SIPA1L1: variants seen among roughly 807,000 people sequenced by gnomAD.
The protein encoded by SIPA1L1 is signal induced proliferation associated 1 like 1.
A neutral mutation model predicts 162.7 loss-of-function variants in SIPA1L1; 26 were observed. That is an observed-to-expected ratio of 0.16 (90% CI 0.12 to 0.22). The LOEUF (loss-of-function observed/expected upper bound fraction) is 0.22, where lower values mean the gene tolerates loss of function less well. Among genes scored for constraint, SIPA1L1 ranks in the 10% least tolerant of loss-of-function variants. The pLI is 1.00. For synonymous variants in SIPA1L1, 829 were observed against 837.4 expected, an observed-to-expected ratio of 0.99 and a Z score of 0.17; for missense variants, 1,874 against 2,241.0, an observed-to-expected ratio of 0.84 and a Z score of 3.31.
intron 2 of SIPA1L1, among the ~76,000 whole-genome samples, chr14:71,370,787 G>A (rs1435411179): frequency 2.6e-5 from 4 of 152,046 alleles, no homozygotes; most frequent in Admixed American, 6.6e-5. Flanking sequence ...CTCAACAGTC[G>A]CCCAGGATTT....
At chr14:71,491,573 C>T (rs1419540231) in intron 2 of SIPA1L1, among the ~76,000 whole-genome samples, 1 of 151,818 alleles carries the variant, frequency 6.6e-6, no homozygotes, top group South Asian at 2.1e-4. Flanking sequence ...CTCATTCTGT[C>T]GTCCAGACTG....
chr14:71,328,036 A>G (rs1390632787), intron 2 of SIPA1L1, among the ~76,000 whole-genome samples: 1 of 152,216 alleles, frequency 6.6e-6, no homozygotes, highest in Non-Finnish European at 1.5e-5. Flanking sequence ...TGATTCTTCA[A>G]AGAGTCTCAG....
intron 3 of SIPA1L1, among the ~76,000 whole-genome samples, chr14:71,525,211 GTC>G (rs1478030570): frequency 1.3e-5 from 2 of 150,160 alleles, no homozygotes; most frequent in Non-Finnish European, 3.0e-5. Context: ...TTGAGTCAGA[GTC>G]TCACTCTTGC....
At chr14:71,355,679 C>T (rs758665672) in intron 2 of SIPA1L1, among the ~76,000 whole-genome samples, 19 of 152,192 alleles carry the variant, frequency 1.2e-4, no homozygotes, top group Non-Finnish European at 2.4e-4. Context: ...CCATTTTCTT[C>T]TCCTTGCATG....
chr14:71,420,439 AT>A (rs1226700202), intron 2 of SIPA1L1, among the ~76,000 whole-genome samples: 1 of 152,222 alleles, frequency 6.6e-6, no homozygotes, highest in Admixed American at 6.5e-5. Context: ...AAGGAGTAAC[AT>A]TTGGTTTTTT....
intron 16 of SIPA1L1, among the ~76,000 whole-genome samples, chr14:71,708,027 T>TG (rs1566703644): frequency 2.9e-5 from 1 of 34,914 alleles, no homozygotes; most frequent in Non-Finnish European, 4.5e-5. Flanking sequence ...TTTTTTTTTT[T>TG]TGTTTTTTTT....
rs373272320 is a variant in SIPA1L1, at chr14:71,588,000, A to T, written c.128A>T (p.Asn43Ile). 3.0e-5 allele frequency: 48 copies of T among 1,613,966 alleles called. No individual in the cohort carries two copies. Among genetic ancestry groups the T allele is most frequent in the Non-Finnish European group, 3.8e-5 (45 of 1,179,984 alleles). ...DFYMRRFRSQ[N>I]GSLGSSVMAP... The stretch of plus-strand genomic sequence containing the variant: ...TACATGCGGCGCTTCCGGTCCCAAA[A>T]TGGCAGCTTAGGATCATCAGTTATG... Residue 43 changes from asparagine (N) to isoleucine (I), a missense_variant, in exon 5 of 24, where the codon AAT becomes ATT. Physicochemically the swap from Asn to Ile is moderately radical, Grantham distance 149. Transcript: ENST00000381232.
intron 4 of SIPA1L1, among the ~76,000 whole-genome samples, chr14:71,569,039 A>G (rs2031381785): frequency 1.3e-5 from 2 of 152,306 alleles, no homozygotes; most frequent in East Asian, 3.9e-4. Flanking sequence ...AATAGTTTTC[A>G]GTTTTATCGT....
At chr14:71,323,897 G>A (rs2033466741) in intron 2 of SIPA1L1, among the ~76,000 whole-genome samples, 1 of 152,144 alleles carries the variant, frequency 6.6e-6, no homozygotes, top group Admixed American at 6.5e-5. Flanking sequence ...ATGGTACCCT[G>A]ATGCCCTCGT....
chr14:71,492,752 C>T (rs778815073), intron 2 of SIPA1L1, among the ~76,000 whole-genome samples: 3 of 151,906 alleles, frequency 2.0e-5, no homozygotes, highest in African/African-American at 7.3e-5. Context: ...TCCCAAGTAG[C>T]TGGGACCATG....
At chr14:71,526,032 C>T (rs1369216079) in intron 3 of SIPA1L1, among the ~76,000 whole-genome samples, 1 of 152,182 alleles carries the variant, frequency 6.6e-6, no homozygotes, top group Admixed American at 6.6e-5. Context: ...GCAATGCAGA[C>T]ATCACACTGT....
At chr14:71,356,136 C>G (rs944472095) in intron 2 of SIPA1L1, among the ~76,000 whole-genome samples, 1 of 152,184 alleles carries the variant, frequency 6.6e-6, no homozygotes, top group Non-Finnish European at 1.5e-5. Flanking sequence ...CTACATAACA[C>G]CGTTCTGAAG....
intron 7 of SIPA1L1, among the ~76,000 whole-genome samples, chr14:71,634,402 CA>C (rs78425751): frequency 0.012 from 993 of 81,282 alleles, 1 homozygote; most frequent in African/African-American, 0.015. Flanking sequence ...AACTCCATTT[CA>C]AAAAAAAAAA....
Position 71,667,435 on chromosome 14 carries a change from A to G in SIPA1L1, c.2256-3684A>G, listed in dbSNP as rs866970893. On this transcript the variant is annotated intron_variant, in intron 10 of 23. Coordinates refer to ENST00000381232, the MANE Select transcript of SIPA1L1 (RefSeq NM_001386936.1). ...GTTTCTGGAGGGCTGAGCCCGGGAC[A>G]TCTTCAGCCTTGATCCTCAGCAAAG... 2.2e-4 allele frequency among the ~76,000 whole-genome samples: 34 copies of G among 152,332 alleles called. 1 individual carries two copies. Among genetic ancestry groups the G allele is most frequent in the African/African-American group, 7.9e-4 (33 of 41,584 alleles).
chr14:71,655,987 A>G (rs546266378), intron 8 of SIPA1L1, among the ~76,000 whole-genome samples: 2 of 152,234 alleles, frequency 1.3e-5, no homozygotes, highest in South Asian at 4.1e-4. Context: ...GGTAAAGTTT[A>G]ATACCTCTAT....
chr14:71,442,248 A>G (rs1408768585), intron 2 of SIPA1L1, among the ~76,000 whole-genome samples: 2 of 151,722 alleles, frequency 1.3e-5, no homozygotes, highest in South Asian at 2.1e-4. Context: ...AAAAATTCAG[A>G]ACATATAGTA....
At chr14:71,523,844 A>G (rs2052599594) in intron 3 of SIPA1L1, among the ~76,000 whole-genome samples, 1 of 152,082 alleles carries the variant, frequency 6.6e-6, no homozygotes, top group Admixed American at 6.6e-5. Context: ...TGGCCTCTTC[A>G]GTTTGGTTCC....
At chr14:71,725,724 G>A (rs554020090) in intron 19 of SIPA1L1, among the ~76,000 whole-genome samples, 6 of 152,316 alleles carry the variant, frequency 3.9e-5, no homozygotes, top group Non-Finnish European at 7.3e-5. Flanking sequence ...GTCACTCTGA[G>A]TATAGGTATT....
chr14:71,451,930 A>G (rs980225201), intron 2 of SIPA1L1, among the ~76,000 whole-genome samples: 1 of 152,202 alleles, frequency 6.6e-6, no homozygotes, highest in Non-Finnish European at 1.5e-5. Flanking sequence ...AATTATATAC[A>G]TCAAAAACAA....
Sources: allele counts gnomAD v4.1 joint callset (sites outside exome capture counted in the v4.1 genomes callset), GRCh38; gene constraint gnomAD v4.1.1; transcripts MANE v1.5; gene names NCBI Gene and HGNC (gene_info 2026-07-23, HGNC 2026-07-21).